The following SAMD12 variants were observed in gnomAD, a reference collection of about 807,000 sequenced individuals.
SAMD12 encodes the protein sterile alpha motif domain containing 12, also known as sterile alpha motif domain-containing protein 12.
SAMD12 carries 9 observed loss-of-function variants against 15.0 expected under a neutral mutation model. That is an observed-to-expected ratio of 0.60 (90% CI 0.36 to 1.05). The LOEUF (loss-of-function observed/expected upper bound fraction) is 1.05, where lower values mean the gene tolerates loss of function less well. Among genes scored for constraint, SAMD12 ranks in the 50% least tolerant of loss-of-function variants. The pLI, the probability that SAMD12 is intolerant of heterozygous loss-of-function variation, is 0.01. For synonymous variants in SAMD12, 86 were observed against 90.1 expected (o/e 0.96, Z 0.25); for missense variants, 230 against 234.2 (o/e 0.98, Z 0.12).
chr8:118,221,573 G>A (rs1300944128), intron 4 of SAMD12, among the ~76,000 whole-genome samples: 2 of 152,192 alleles, frequency 1.3e-5, no homozygotes. Context: ...AATTGAGTGA[G>A]GGGTGGGAGA....
intron 3 of SAMD12, among the ~76,000 whole-genome samples, chr8:118,435,559 T>C (rs1227857934): frequency 6.6e-6 from 1 of 152,204 alleles, no homozygotes; most frequent in Non-Finnish European, 1.5e-5. Flanking sequence ...TCAAAAATTT[T>C]GATATTGCAA....
chr8:118,601,600 T>G (rs1262495882), intron 1 of SAMD12, among the ~76,000 whole-genome samples: 1 of 152,208 alleles, frequency 6.6e-6, no homozygotes, highest in African/African-American at 2.4e-5. Context: ...GTAGAAATAC[T>G]GTGGTCTTGC....
At chr8:118,268,567 C>A (rs1813262734) in intron 4 of SAMD12, among the ~76,000 whole-genome samples, 1 of 152,130 alleles carries the variant, frequency 6.6e-6, no homozygotes, top group East Asian at 1.9e-4. Flanking sequence ...GTAATCCCAG[C>A]ACTTTGGGAG....
At chr8:118,581,105 C>T (rs915080999) in intron 1 of SAMD12, among the ~76,000 whole-genome samples, 3 of 152,116 alleles carry the variant, frequency 2.0e-5, no homozygotes, top group African/African-American at 7.2e-5. Flanking sequence ...AGGTACAAAT[C>T]CAGAAGCCCT....
intron 4 of SAMD12, among the ~76,000 whole-genome samples, chr8:118,247,690 T>A (rs970307778): frequency 3.7e-4 from 57 of 152,028 alleles, no homozygotes; most frequent in African/African-American, 1.4e-3. Context: ...CCTCCCAGGC[T>A]CAAGCAATTC....
At chr8:118,456,596 A>G (rs542688858) in intron 2 of SAMD12, among the ~76,000 whole-genome samples, 6 of 152,280 alleles carry the variant, frequency 3.9e-5, no homozygotes, top group Admixed American at 1.3e-4. Flanking sequence ...TCCTGTTCCA[A>G]TTTTATAGTA....
At chr8:118,397,303 T>A (rs1020000046) in intron 3 of SAMD12, among the ~76,000 whole-genome samples, 1 of 151,976 alleles carries the variant, frequency 6.6e-6, no homozygotes, top group East Asian at 1.9e-4. Context: ...ATCAGTGAGA[T>A]GAACCAACAA....
chr8:118,520,711 ACAAT>A (rs1825366187), intron 2 of SAMD12, among the ~76,000 whole-genome samples: 1 of 152,198 alleles, frequency 6.6e-6, no homozygotes, highest in African/African-American at 2.4e-5. Flanking sequence ...ATGTCTACAG[ACAAT>A]CACTTACATT....
At chr8:118,590,657 T>TAA (rs1827566204) in intron 1 of SAMD12, among the ~76,000 whole-genome samples, 1 of 152,218 alleles carries the variant, frequency 6.6e-6, no homozygotes, top group Admixed American at 6.5e-5. Context: ...ACTGGCATTT[T>TAA]AAAAAGCTAG....
At chr8:118,449,291 G>C (rs1031585260) in intron 2 of SAMD12, among the ~76,000 whole-genome samples, 2 of 151,892 alleles carry the variant, frequency 1.3e-5, no homozygotes, top group African/African-American at 2.4e-5. Context: ...TCGAACTCGT[G>C]ACCTCGTGAT....
chr8:118,575,573 T>C (rs117443161), intron 2 of SAMD12, among the ~76,000 whole-genome samples: 1 of 152,314 alleles, frequency 6.6e-6, no homozygotes, highest in Non-Finnish European at 1.5e-5. Context: ...TTTTAGTGAG[T>C]CATTTTACAT....
chr8:118,163,831 C>A, the SAMD12 span, among the ~76,000 whole-genome samples: 3 of 151,856 alleles, frequency 2.0e-5, no homozygotes, highest in Non-Finnish European at 4.4e-5. Context: ...GCCGAGATCG[C>A]GCCACTGCCC....
At chr8:118,410,453 T>A (rs932836144) in intron 3 of SAMD12, among the ~76,000 whole-genome samples, 6 of 152,210 alleles carry the variant, frequency 3.9e-5, no homozygotes, top group Admixed American at 1.3e-4. Flanking sequence ...AGGGACGATA[T>A]CTCCTGCTTC....
chr8:118,402,660 G>A (rs1261490151), intron 3 of SAMD12, among the ~76,000 whole-genome samples: 2 of 152,190 alleles, frequency 1.3e-5, no homozygotes. Context: ...GCAATGGGCA[G>A]CCATAAATAT....
At chr8:118,587,356 A>G (rs1450798501) in intron 1 of SAMD12, among the ~76,000 whole-genome samples, 4 of 152,254 alleles carry the variant, frequency 2.6e-5, no homozygotes, top group Admixed American at 1.3e-4. Flanking sequence ...ACTACCCTCA[A>G]GAAGTAATGT....
intron 1 of SAMD12, among the ~76,000 whole-genome samples, chr8:118,593,848 A>T (rs541318879): frequency 1.3e-5 from 2 of 152,366 alleles, no homozygotes; most frequent in South Asian, 2.1e-4. Flanking sequence ...TTCCAGAATT[A>T]CAAAAAAATA....
At chr8:118,367,533 C>T (rs1379285626) in intron 4 of SAMD12, among the ~76,000 whole-genome samples, 2 of 152,184 alleles carry the variant, frequency 1.3e-5, no homozygotes, top group African/African-American at 4.8e-5. Flanking sequence ...GGTGACATAA[C>T]AATGCAACCT....
the SAMD12 span, among the ~76,000 whole-genome samples, chr8:118,163,291 T>A: frequency 2.6e-5 from 4 of 152,146 alleles, no homozygotes; most frequent in East Asian, 7.8e-4. Flanking sequence ...TGTTGCCCAG[T>A]TTGGTCTCAA....
At chr8:118,155,373 G>A in the SAMD12 span, among the ~76,000 whole-genome samples, 1 of 152,118 alleles carries the variant, frequency 6.6e-6, no homozygotes, top group East Asian at 1.9e-4. Context: ...GGGGGGGTGG[G>A]CCACATCTAA....
Sources: allele counts gnomAD v4.1 joint callset (sites outside exome capture counted in the v4.1 genomes callset), GRCh38; gene constraint gnomAD v4.1.1; transcripts MANE v1.5; gene names NCBI Gene and HGNC (gene_info 2026-07-23, HGNC 2026-07-21).